NALF1: variants seen among roughly 807,000 people sequenced by gnomAD.
The protein encoded by NALF1 is NALCN channel auxiliary factor 1, also known as family with sequence similarity 155 member A.
Under a neutral mutation model 48.4 loss-of-function variants are expected in NALF1, and 3 were observed. The ratio of observed to expected loss-of-function variants is 0.06; its 90% CI spans 0.03 to 0.16. The LOEUF (loss-of-function observed/expected upper bound fraction) is 0.16, where lower values mean the gene tolerates loss of function less well. Among genes scored for constraint, NALF1 ranks in the 10% least tolerant of loss-of-function variants. NALF1 has a pLI of 1.00. For missense variants in NALF1, 526 were observed against 571.5 expected (o/e 0.92, Z 0.81); for synonymous variants, 262 against 245.7 (o/e 1.07, Z -0.62).
chr13:107,384,226 A>G (rs1883487768), intron 1 of NALF1, among the ~76,000 whole-genome samples: 4 of 152,154 alleles, frequency 2.6e-5, no homozygotes, highest in African/African-American at 9.7e-5. Flanking sequence ...GGACTCCAGA[A>G]TGGGCGACTG....
Position 107,665,747 on chromosome 13 carries a change from C to A in NALF1, c.915+199935G>T, listed in dbSNP as rs866966678. On this transcript the variant is annotated intron_variant, in intron 1 of 2. Coordinates refer to ENST00000375915, the MANE Select transcript of NALF1 (RefSeq NM_001080396.3). The stretch of plus-strand genomic sequence containing the variant: ...AAAAGAAAAATATACAAAGGGACAC[C>A]GAATAATATGAGGGGACTTCAAAAA... Among the ~76,000 whole-genome samples the A allele has an allele frequency of 4.7e-5, 7 of 149,670 alleles. 1 individual carries two copies. In the South Asian group the frequency reaches 1.3e-3, roughly 28 times the overall value.
At chr13:107,804,700 G>T (rs1878722504) in intron 1 of NALF1, among the ~76,000 whole-genome samples, 1 of 152,078 alleles carries the variant, frequency 6.6e-6, no homozygotes, top group Non-Finnish European at 1.5e-5. Flanking sequence ...GGAATGTCTG[G>T]ACATATCAGC....
intron 1 of NALF1, among the ~76,000 whole-genome samples, chr13:107,627,927 TAATA>T (rs1380685062): frequency 6.6e-6 from 1 of 152,058 alleles, no homozygotes; most frequent in Non-Finnish European, 1.5e-5. Flanking sequence ...AAAAAAATAA[TAATA>T]AATAAAAAAT....
At chr13:107,454,495 C>T (rs1427214463) in intron 1 of NALF1, among the ~76,000 whole-genome samples, 2 of 152,132 alleles carry the variant, frequency 1.3e-5, no homozygotes, top group Non-Finnish European at 2.9e-5. Context: ...ATCATGAGAA[C>T]AGCATGGGGG....
intron 1 of NALF1, among the ~76,000 whole-genome samples, chr13:107,565,120 C>T (rs1469313292): frequency 1.6e-5 from 1 of 63,910 alleles, no homozygotes; most frequent in Admixed American, 1.4e-4. Context: ...AAAAAACAGA[C>T]ATAAACAACC....
rs1878669351 is a variant in NALF1 at position 107,166,786 on chromosome 13, C to T, written c.*3711G>A. The T allele has an allele frequency of 1.3e-5, 2 of 152,068 alleles. No homozygotes were observed. The highest frequency in any genetic ancestry group is 2.9e-5 in the Non-Finnish European group (2 of 68,008). 9.4% of individuals were successfully genotyped at this position (152,068 alleles called of 1,614,324 possible). A position where few individuals can be genotyped will look rare whatever the true frequency, so the allele number is the denominator to read the frequency against. On this transcript the variant is annotated 3_prime_UTR_variant, in exon 3 of 3. Coordinates refer to ENST00000375915, the MANE Select transcript of NALF1 (RefSeq NM_001080396.3). ...TCCCTTCTTCCCTCCCTCCCTCACT[C>T]CCCTCTTTCCTTCCTTCTTTCCTGT...
chr13:107,696,974 T>C (rs2138508604), intron 1 of NALF1, among the ~76,000 whole-genome samples: 1 of 152,296 alleles, frequency 6.6e-6, no homozygotes, highest in Middle Eastern at 3.4e-3. Context: ...AGAATGTTCC[T>C]CTCCTATAAC....
intron 1 of NALF1, among the ~76,000 whole-genome samples, chr13:107,437,750 A>G (rs111548424): frequency 2.4e-4 from 37 of 152,352 alleles, no homozygotes; most frequent in African/African-American, 8.7e-4. Context: ...AGCAATGGTA[A>G]TATTCTAAAA....
intron 1 of NALF1, among the ~76,000 whole-genome samples, chr13:107,641,962 T>C (rs1295081220): frequency 6.6e-6 from 1 of 152,174 alleles, no homozygotes; most frequent in Non-Finnish European, 1.5e-5. Flanking sequence ...TTGGCATCGG[T>C]AGCTTCTATA....
intron 1 of NALF1, among the ~76,000 whole-genome samples, chr13:107,833,425 G>T (rs192633457): frequency 1.5e-4 from 23 of 152,182 alleles, no homozygotes; most frequent in Non-Finnish European, 1.5e-4. Context: ...CCATCTATAG[G>T]ATTATTTTTG....
chr13:107,820,912 C>T lies in NALF1; in HGVS notation c.915+44770G>A, dbSNP rs916391960. 3.9e-5 allele frequency among the ~76,000 whole-genome samples: 6 copies of T among 152,110 alleles called. No homozygotes were observed. In the East Asian group the frequency reaches 5.8e-4, roughly 15 times the overall value. ...ATTCCAGGTATTGGCAAACATCATC[C>T]GGCACTACCTGCATTCTCATATATG... On this transcript the variant is annotated intron_variant, in intron 1 of 2. Coordinates refer to ENST00000375915, the MANE Select transcript of NALF1 (RefSeq NM_001080396.3).
intron 1 of NALF1, among the ~76,000 whole-genome samples, chr13:107,659,192 C>A (rs1405169549): frequency 4.0e-5 from 6 of 151,814 alleles, no homozygotes; most frequent in Admixed American, 3.3e-4. Context: ...GTTTAAGAAT[C>A]CACTGAAGTG....
chr13:107,637,884 CCTTA>C (rs916627302), intron 1 of NALF1, among the ~76,000 whole-genome samples: 8 of 152,048 alleles, frequency 5.3e-5, no homozygotes, highest in African/African-American at 1.9e-4. Context: ...CATCCATTTT[CCTTA>C]CTTGTCTAAT....
chr13:107,243,293 A>T (rs1162794347), intron 1 of NALF1, among the ~76,000 whole-genome samples: 1 of 151,824 alleles, frequency 6.6e-6, no homozygotes, highest in Non-Finnish European at 1.5e-5. Flanking sequence ...CTTGTCCTCT[A>T]CCCCTTCCTT....
intron 1 of NALF1, among the ~76,000 whole-genome samples, chr13:107,298,351 CAAAAA>C (rs1192707023): frequency 3.6e-4 from 6 of 16,624 alleles, no homozygotes; most frequent in Admixed American, 1.5e-3. Flanking sequence ...GACTCCATCT[CAAAAA>C]AAAAAAAAAA....
intron 1 of NALF1, among the ~76,000 whole-genome samples, chr13:107,243,001 T>C (rs1375439995): frequency 1.3e-5 from 2 of 152,130 alleles, no homozygotes; most frequent in Non-Finnish European, 2.9e-5. Flanking sequence ...CCACCCACTT[T>C]TATTCTGGCC....
At chr13:107,843,446 A>G (rs1393977050) in intron 1 of NALF1, among the ~76,000 whole-genome samples, 1 of 152,168 alleles carries the variant, frequency 6.6e-6, no homozygotes, top group African/African-American at 2.4e-5. Context: ...ACCTCCTCGA[A>G]TCTCCCTTTG....
At chr13:107,330,990 G>A (rs1373194283) in intron 1 of NALF1, among the ~76,000 whole-genome samples, 1 of 152,080 alleles carries the variant, frequency 6.6e-6, no homozygotes, top group African/African-American at 2.4e-5. Context: ...ATGAATTACA[G>A]GAATGCAAGA....
intron 1 of NALF1, among the ~76,000 whole-genome samples, chr13:107,570,399 C>T (rs1357153665): frequency 6.6e-6 from 1 of 151,968 alleles, no homozygotes; most frequent in Non-Finnish European, 1.5e-5. Context: ...TTATCATAAA[C>T]ACGTACTGAA....
Sources: allele counts gnomAD v4.1 joint callset (sites outside exome capture counted in the v4.1 genomes callset), GRCh38; gene constraint gnomAD v4.1.1; transcripts MANE v1.5; gene names NCBI Gene and HGNC (gene_info 2026-07-23, HGNC 2026-07-21).